SLC30A6: variants seen among roughly 807,000 people sequenced by gnomAD.
SLC30A6 encodes the protein zinc transporter 6.
A neutral mutation model predicts 63.0 loss-of-function variants in SLC30A6; 55 were observed. That is an observed-to-expected ratio of 0.87 (90% CI 0.70 to 1.09). SLC30A6 has a LOEUF of 1.09. SLC30A6 is among the 50% of genes least tolerant of loss of function. The pLI is 0.00. For missense variants in SLC30A6, 587 were observed against 549.2 expected (o/e 1.07, Z -0.69); for synonymous variants, 224 against 186.1 (o/e 1.20, Z -1.66).
At chr2:32,204,836 C>CAGAGCA in intron 11 of SLC30A6, 144 bp downstream of exon 11, 1 of 228,118 alleles carries the variant, frequency 4.4e-6, no homozygotes, top group Non-Finnish European at 7.3e-6. Flanking sequence ...TTTTTAGAGA[C>CAGAGCA]AGGTCCTTGC....
intron 5 of SLC30A6, among the ~76,000 whole-genome samples, chr2:32,185,561 C>A (rs1462669276): frequency 6.6e-6 from 1 of 152,008 alleles, no homozygotes; most frequent in Non-Finnish European, 1.5e-5. Flanking sequence ...ACTTAGTCTT[C>A]TTTTCCACCA....
rs1434743754 is a variant in SLC30A6 at position 32,192,404 on chromosome 2, T to C, written c.353T>C (p.Ile118Thr). The change falls in exon 6 of 14, where the codon ATA (isoleucine) becomes ACA (threonine). Residue 118 changes from isoleucine to threonine, a missense_variant. Ile to Thr is a moderately conservative substitution (Grantham distance 89). Coordinates refer to ENST00000282587, the MANE Select transcript of SLC30A6 (RefSeq NM_017964.5). The part of the protein sequence containing the change: ...TVLAQLGALF[I>T]LKESAERFLE... ...TTGGCACAGTTGGGAGCTCTCTTTA[T>C]ATTAAAAGAAAGGTACATTTGTATA... The C allele has an allele frequency of 6.2e-7, 1 of 1,613,660 alleles. No individual in the cohort carries two copies. Among genetic ancestry groups the C allele is most frequent in the African/African-American group, 1.3e-5 (1 of 74,928 alleles).
intron 1 of SLC30A6, among the ~76,000 whole-genome samples, chr2:32,168,248 C>T (rs2148789155): frequency 6.6e-6 from 1 of 151,768 alleles, no homozygotes; most frequent in Non-Finnish European, 1.5e-5. Context: ...TTATAAAGCA[C>T]TGAAAACCTA....
chr2:32,169,060 A>AT (rs1370353236), intron 1 of SLC30A6, among the ~76,000 whole-genome samples: 13 of 152,124 alleles, frequency 8.5e-5, no homozygotes, highest in Non-Finnish European at 1.6e-4. Context: ...ATTAAGGAGA[A>AT]TTTTTTAAAT....
At chr2:32,186,816 C>T (rs937974919) in intron 5 of SLC30A6, among the ~76,000 whole-genome samples, 1 of 151,322 alleles carries the variant, frequency 6.6e-6, no homozygotes, top group Non-Finnish European at 1.5e-5. Context: ...GAGCAAAGAG[C>T]GAGACCCCGT....
At position 32,210,251 on chromosome 2, in the gene SLC30A6, C is replaced by T. The variant is rs563175383; in HGVS notation, c.885+690C>T. ...CACGGGCTGGGCGTGGTAGCTCACG[C>T]CTGTAATACCAGCACTTTGGGAAGC... On this transcript the variant is annotated intron_variant, in intron 13 of 13. Transcript: ENST00000282587. Among the ~76,000 whole-genome samples, 5 of 152,194 alleles carry T rather than the reference C, an allele frequency of 3.3e-5. No individual in the cohort carries two copies. In the East Asian group the frequency reaches 9.7e-4, roughly 29 times the overall value.
At position 32,220,989 on chromosome 2, in the gene SLC30A6, G is replaced by C. The variant is rs1686109191; in HGVS notation, c.*276G>C. On this transcript the variant is annotated 3_prime_UTR_variant, in exon 14 of 14. Transcript: ENST00000282587. ...ATCTTTGGTTTTGTAGTTGACTGCAGTGTGATGTGACCTTACCTTTATAAG... is the reference window on the plus strand; with the variant it reads ...ATCTTTGGTTTTGTAGTTGACTGCACTGTGATGTGACCTTACCTTTATAAG... 13 of 369,972 alleles carry C rather than the reference G, an allele frequency of 3.5e-5. No individual in the cohort carries two copies. The Admixed American group carries it at 5.0e-4, about 14-fold the overall frequency. The allele number at this position is 369,972 out of a possible 1,614,324, so 22.9% of individuals were successfully genotyped here.
At chr2:32,219,501 C>T (rs929917720) in intron 13 of SLC30A6, among the ~76,000 whole-genome samples, 4 of 152,000 alleles carry the variant, frequency 2.6e-5, no homozygotes, top group African/African-American at 9.7e-5. Flanking sequence ...GTGGTGCGAT[C>T]TTGGCTCACT....
intron 1 of SLC30A6, among the ~76,000 whole-genome samples, chr2:32,167,350 C>T (rs778827300): frequency 6.9e-6 from 1 of 145,754 alleles, no homozygotes; most frequent in Non-Finnish European, 1.5e-5. Context: ...GCTGGGATTA[C>T]AGGCGTGAGC....
At chr2:32,204,495 T>C (rs1684568932) in intron 10 of SLC30A6, 95 bp from the exon 11 acceptor site, 1 of 716,220 alleles carries the variant, frequency 1.4e-6, no homozygotes, top group Admixed American at 2.1e-5. Context: ...TGTTGCTCAG[T>C]CCTGTTGCTT....
chr2:32,202,841 G>A, intron 10 of SLC30A6: 1 of 841,166 alleles, frequency 1.2e-6, no homozygotes, highest in Non-Finnish European at 2.1e-6. Context: ...GATACGAACA[G>A]ATTGATGTTT....
intron 11 of SLC30A6, among the ~76,000 whole-genome samples, chr2:32,205,710 A>G (rs924130455): frequency 8.4e-6 from 1 of 119,048 alleles, no homozygotes. Flanking sequence ...TCTCTTGACC[A>G]GGCTGGAGTG....
intron 13 of SLC30A6, among the ~76,000 whole-genome samples, chr2:32,218,212 G>C (rs2148914749): frequency 6.6e-6 from 1 of 152,194 alleles, no homozygotes; most frequent in East Asian, 1.9e-4. Flanking sequence ...CTTGAACCTA[G>C]GAGTTCGAGA....
At chr2:32,194,072 G>T (rs1485646739) in intron 8 of SLC30A6, 89 bp downstream of exon 8, 1 of 1,038,050 alleles carries the variant, frequency 9.6e-7, no homozygotes, top group East Asian at 2.5e-5. Context: ...TCAGATCAAT[G>T]AAGAAGTATA....
chr2:32,219,029 A>G (rs577338889), intron 13 of SLC30A6, among the ~76,000 whole-genome samples: 16 of 152,068 alleles, frequency 1.1e-4, no homozygotes, highest in South Asian at 6.2e-4. Flanking sequence ...TAACCTTATT[A>G]CCTACCTATC....
chr2:32,171,676 C>A lies in SLC30A6; in HGVS notation c.90+303C>A, dbSNP rs548716157. Among the ~76,000 whole-genome samples, 466 of 146,558 alleles carry A rather than the reference C, an allele frequency of 3.2e-3. 6 individuals carry two copies. Among genetic ancestry groups the A allele is most frequent in the Non-Finnish European group, 4.5e-3 (302 of 66,968 alleles). ...AAAATTAAATGGATCCAGTCTAAAG[C>A]CATGTTTTCTCTTTTATTTATTTTT... On this transcript the variant is annotated intron_variant, in intron 2 of 13. Transcript: ENST00000282587.
At chr2:32,187,232 C>G (rs1174668069) in intron 5 of SLC30A6, 1 of 470,892 alleles carries the variant, frequency 2.1e-6, no homozygotes, top group East Asian at 6.9e-5. Context: ...CTATCAAGAC[C>G]TTAATTCACA....
intron 10 of SLC30A6, chr2:32,201,877 C>T (rs549453662): frequency 6.9e-7 from 1 of 1,449,272 alleles, no homozygotes; most frequent in Non-Finnish European, 9.6e-7. Flanking sequence ...TACAGATTAC[C>T]TGGATGCTCC....
chr2:32,171,144 A>G, intron 1 of SLC30A6, 143 bp from the exon 2 acceptor site: 1 of 568,270 alleles, frequency 1.8e-6, no homozygotes, highest in Middle Eastern at 5.2e-4. Flanking sequence ...ATACACATAA[A>G]GTGTCTAGAA....
Sources: gnomAD v4.1 joint callset for allele counts (sites outside exome capture counted in the v4.1 genomes callset) on GRCh38, gnomAD v4.1.1 for gene constraint, MANE v1.5 for transcripts, NCBI Gene and HGNC (gene_info 2026-07-23, HGNC 2026-07-21) for gene names.